Variants in SPTA1 observed in about 807,000 individuals in gnomAD.
SPTA1 encodes spectrin alpha chain, erythrocytic 1.
SPTA1 carries 177 observed loss-of-function variants against 324.7 expected under a neutral mutation model. That is an observed-to-expected ratio of 0.55 (90% CI 0.48 to 0.62). The LOEUF (loss-of-function observed/expected upper bound fraction) is 0.62, where lower values mean the gene tolerates loss of function less well. Ranked by LOEUF, SPTA1 falls within the 20% of genes least tolerant of loss-of-function variation. SPTA1 has a pLI of 0.00. For missense variants in SPTA1, 3,162 were observed against 2,883.6 expected (o/e 1.10, Z -2.21); for synonymous variants, 1,195 against 1,041.3 (o/e 1.15, Z -2.84).
At chr1:158,649,822 A>C (rs1652286970) in intron 25 of SPTA1, 34 bp downstream of exon 25, 1 of 1,560,162 alleles carries the variant, frequency 6.4e-7, no homozygotes, top group Non-Finnish European at 8.8e-7. Context: ...GTGGGTTTTA[A>C]AGCAGCACTG....
intron 16 of SPTA1, among the ~76,000 whole-genome samples, chr1:158,664,650 A>G (rs183074327): frequency 1.3e-5 from 2 of 152,378 alleles, no homozygotes; most frequent in East Asian, 3.9e-4. Flanking sequence ...CATGTATCCC[A>G]GAACTTAAAG....
chr1:158,672,047 C>A lies in SPTA1; in HGVS notation c.1488+12G>T. 6.2e-7 allele frequency: 1 copy of A among 1,613,574 alleles called. No individual in the cohort carries two copies. Among genetic ancestry groups the A allele is most frequent in the Non-Finnish European group, 8.5e-7 (1 of 1,179,828 alleles). Reference sequence around the variant, plus strand: ...AATTACTTCTAGAGATGGTATGGACCCCTCCCGTTACCTCTTGTCTACTCA... The same window carrying A: ...AATTACTTCTAGAGATGGTATGGACACCTCCCGTTACCTCTTGTCTACTCA... On this transcript the variant is annotated intron_variant, in intron 11 of 51. Transcript: ENST00000643759.
intron 21 of SPTA1, 144 bp downstream of exon 21, chr1:158,654,467 A>C: frequency 8.6e-7 from 1 of 1,166,336 alleles, no homozygotes. Flanking sequence ...TACAGGAAAA[A>C]TACTACCTAA....
rs2101749112 is a variant in SPTA1, at chr1:158,615,027, C to A, written c.6788+189G>T. 9.2e-6 allele frequency: 6 copies of A among 655,108 alleles called. No homozygotes were observed. The South Asian group carries it at 1.1e-4, about 13-fold the overall frequency. 40.6% of individuals were successfully genotyped at this position (655,108 alleles called of 1,614,324 possible). ...AGTAGGCTCAGGTGGATGGAGAGCACTGTCTTTTATTTCATGATGGATTTC... is the reference window on the plus strand; with the variant it reads ...AGTAGGCTCAGGTGGATGGAGAGCAATGTCTTTTATTTCATGATGGATTTC... On this transcript the variant is annotated intron_variant, in intron 48 of 51. Coordinates refer to ENST00000643759, the MANE Select transcript of SPTA1 (RefSeq NM_003126.4).
At position 158,662,755 on chromosome 1, in the gene SPTA1, T is replaced by A. The variant is rs996519013; in HGVS notation, c.2411A>T (p.Asp804Val). 3 of 1,613,928 alleles carry A rather than the reference T, an allele frequency of 1.9e-6. No individual in the cohort carries two copies. The highest frequency in any genetic ancestry group is 2.5e-6 in the Non-Finnish European group (3 of 1,179,990). ...HLQLICRDTE[D>V]EEAWIQETEP... Reference sequence around the variant, plus strand: ...AGTCTCTTGGATCCAGGCCTCCTCATCCTCTGTGTCTCTACAAATCAGCTG... The same window carrying A: ...AGTCTCTTGGATCCAGGCCTCCTCAACCTCTGTGTCTCTACAAATCAGCTG... Residue 804 changes from aspartate (D) to valine (V), a missense_variant, in exon 17 of 52, where the codon GAT becomes GTT. Transcript: ENST00000643759.
rs1190713151 is a variant in SPTA1, at chr1:158,686,602, C to A, written c.-85G>T. 7 of 1,078,154 alleles carry A rather than the reference C, an allele frequency of 6.5e-6. No homozygotes were observed. The highest frequency in any genetic ancestry group is 4.7e-5 in the African/African-American group (3 of 63,280). The allele number at this position is 1,078,154 out of a possible 1,614,324, so 66.8% of individuals were successfully genotyped here. On this transcript the variant is annotated 5_prime_UTR_variant, in exon 1 of 52. Coordinates refer to ENST00000643759, the MANE Select transcript of SPTA1 (RefSeq NM_003126.4). ...AATAATTCAAATGGAACTGTCCAGT[C>A]GAATTCAAATAGAAATATAGAAACG...
intron 15 of SPTA1, among the ~76,000 whole-genome samples, chr1:158,666,902 T>C (rs959613004): frequency 1.3e-5 from 2 of 152,178 alleles, no homozygotes; most frequent in Admixed American, 1.3e-4. Context: ...AAGTTTCTTT[T>C]TATAAAATTA....
intron 7 of SPTA1, 100 bp from the exon 8 acceptor site, chr1:158,676,395 A>G: frequency 7.8e-7 from 1 of 1,279,656 alleles, no homozygotes; most frequent in Non-Finnish European, 1.1e-6. Context: ...GAATAATAAT[A>G]ATTTAGAAAT....
chr1:158,626,011 TTA>T, intron 42 of SPTA1, 133 bp downstream of exon 42: 1 of 677,580 alleles, frequency 1.5e-6, no homozygotes. Flanking sequence ...AATTAGGAAA[TTA>T]TTAATATTAA....
At chr1:158,662,165 C>T (rs1009237774) in intron 17 of SPTA1, among the ~76,000 whole-genome samples, 1 of 152,200 alleles carries the variant, frequency 6.6e-6, no homozygotes, top group Admixed American at 6.5e-5. Flanking sequence ...ATTGTCCAGC[C>T]TTTCATAGAT....
intron 26 of SPTA1, 113 bp downstream of exon 26, chr1:158,648,396 A>T: frequency 6.8e-7 from 1 of 1,460,268 alleles, no homozygotes; most frequent in South Asian, 1.2e-5. Context: ...GGCACAGAAC[A>T]GAGAGAAATA....
chr1:158,675,706 T>C (rs1557987978), intron 8 of SPTA1, among the ~76,000 whole-genome samples: 2 of 152,180 alleles, frequency 1.3e-5, no homozygotes, highest in Admixed American at 6.6e-5. Flanking sequence ...AGCACTGTGA[T>C]ACTAAGACAG....
At chr1:158,619,745 A>G (rs930563392) in intron 44 of SPTA1, among the ~76,000 whole-genome samples, 1 of 152,236 alleles carries the variant, frequency 6.6e-6, no homozygotes, top group Non-Finnish European at 1.5e-5. Context: ...TTTATGTTTC[A>G]TAGTTTCAAT....
chr1:158,642,496 C>A lies in SPTA1; in HGVS notation c.4652G>T (p.Arg1551Leu), dbSNP rs769900665. 3 of 1,613,610 alleles carry A rather than the reference C, an allele frequency of 1.9e-6. No individual in the cohort carries two copies. Among genetic ancestry groups the A allele is most frequent in the Non-Finnish European group, 2.5e-6 (3 of 1,179,700 alleles). The change falls in exon 33 of 52, where the codon CGA (arginine) becomes CTA (leucine). Residue 1551 changes from arginine (R) to leucine (L), a missense_variant. Arg to Leu is a moderately radical substitution (Grantham distance 102, BLOSUM62 -2). Transcript: ENST00000643759. ...HQTFAHEVDG[R>L]SEQVHGVINL... The stretch of plus-strand genomic sequence containing the variant: ...GATGACGCCATGCACCTGCTCAGAT[C>A]GGCCATCGACTTCATGTGCAAAGGT...
At chr1:158,637,807 T>G (rs1207184506) in intron 36 of SPTA1, among the ~76,000 whole-genome samples, 1 of 152,224 alleles carries the variant, frequency 6.6e-6, no homozygotes, top group South Asian at 2.1e-4. Flanking sequence ...CTGTCATGTA[T>G]GTTAACTGCT....
chr1:158,657,727 T>G, intron 18 of SPTA1, 33 bp from the exon 19 acceptor site: 4 of 1,593,230 alleles, frequency 2.5e-6, no homozygotes, highest in Non-Finnish European at 3.4e-6. Flanking sequence ...GTGAGTATGA[T>G]CCTCATGAGT....
rs1239640729 is a variant in SPTA1, at chr1:158,651,248, G to A, written c.3477+119C>T. ...CCTTTCCTGTAGCTAATTCCATACT[G>A]CTGTTACCTTCTGCATGTTCTAGTG... On this transcript the variant is annotated intron_variant, in intron 24 of 51. Coordinates refer to ENST00000643759, the MANE Select transcript of SPTA1 (RefSeq NM_003126.4). 4 of 763,684 alleles carry A rather than the reference G, an allele frequency of 5.2e-6. No homozygotes were observed. The Admixed American group carries it at 5.3e-5, about 10-fold the overall frequency. The allele number at this position is 763,684 out of a possible 1,614,324, so 47.3% of individuals were successfully genotyped here.
Position 158,683,587 on chromosome 1 carries a change from C to T in SPTA1, c.265-91G>A, listed in dbSNP as rs1199554133. Reference sequence around the variant, plus strand: ...TGTAAAGCCACCAAACACAGGTTCTCAAAGGGTCCCAGACTCAGAGGCCAT... The same window carrying T: ...TGTAAAGCCACCAAACACAGGTTCTTAAAGGGTCCCAGACTCAGAGGCCAT... On this transcript the variant is annotated intron_variant, in intron 2 of 51. Transcript: ENST00000643759. 7.1e-6 allele frequency: 11 copies of T among 1,549,582 alleles called. No individual in the cohort carries two copies. The African/African-American group carries it at 1.2e-4, about 17-fold the overall frequency.
rs1654503475 is a variant in SPTA1, at chr1:158,677,819, GGCTTC to G, written c.823_827del (p.Glu275HisfsTer14). 3.1e-6 allele frequency: 5 copies of G among 1,613,582 alleles called. No homozygotes were observed. Among genetic ancestry groups the G allele is most frequent in the South Asian group, 2.2e-5 (2 of 91,070 alleles). On this transcript the variant is annotated frameshift_variant, in exon 7 of 52. Transcript: ENST00000643759. LOFTEE classifies it high-confidence loss of function. The stretch of plus-strand genomic sequence containing the variant: ...GTTCCTTCTCCTTGATCCACTGGAT[GGCTTC>G]AGTCACATCCCTGCAGTCATTAACA...
Sources: allele counts gnomAD v4.1 joint callset (sites outside exome capture counted in the v4.1 genomes callset), GRCh38; gene constraint gnomAD v4.1.1; transcripts MANE v1.5; gene names NCBI Gene and HGNC (gene_info 2026-07-23, HGNC 2026-07-21).